Variants in PIBF1 observed in about 807,000 individuals in gnomAD.
PIBF1 encodes the protein progesterone-induced-blocking factor 1.
In PIBF1, 90 loss-of-function variants were observed where a neutral mutation model predicts 112.5. The ratio of observed to expected loss-of-function variants is 0.80; its 90% CI spans 0.67 to 0.95. The LOEUF is 0.95. PIBF1 is among the 40% of genes least tolerant of loss of function. The pLI is 0.00. For missense variants in PIBF1, 915 were observed against 852.3 expected (o/e 1.07, Z -0.92); for synonymous variants, 301 against 288.6 (o/e 1.04, Z -0.44).
intron 11 of PIBF1, among the ~76,000 whole-genome samples, chr13:72,904,738 G>T (rs1178084427): frequency 6.6e-6 from 1 of 151,526 alleles, no homozygotes; most frequent in East Asian, 1.9e-4. Flanking sequence ...ACCATGCCTG[G>T]CAAAATATTT....
At chr13:72,976,680 C>A (rs1399959681) in intron 16 of PIBF1, among the ~76,000 whole-genome samples, 1 of 152,114 alleles carries the variant, frequency 6.6e-6, no homozygotes, top group Non-Finnish European at 1.5e-5. Context: ...CATATATACA[C>A]ATGCAAAGGC....
chr13:72,938,396 G>GCT (rs376125630), intron 14 of PIBF1, among the ~76,000 whole-genome samples: 39 of 151,180 alleles, frequency 2.6e-4, no homozygotes, highest in Non-Finnish European at 4.0e-4. Context: ...GCAATAATGT[G>GCT]CTCTCTCTCT....
chr13:72,897,335 A>G (rs2040318591), intron 11 of PIBF1, among the ~76,000 whole-genome samples: 1 of 152,244 alleles, frequency 6.6e-6, no homozygotes, highest in Admixed American at 6.5e-5. Flanking sequence ...GGAAACATCA[A>G]AACAAAATTG....
chr13:72,827,363 C>T (rs1010824370), intron 7 of PIBF1, among the ~76,000 whole-genome samples: 8 of 150,818 alleles, frequency 5.3e-5, no homozygotes, highest in African/African-American at 1.5e-4. Context: ...ATTCTCCTGC[C>T]TCAGCCTCCT....
chr13:72,854,253 T>C (rs2038309738), intron 10 of PIBF1, 98 bp downstream of exon 10: 1 of 760,452 alleles, frequency 1.3e-6, no homozygotes, highest in Admixed American at 2.5e-5. Context: ...ATAATTTTCA[T>C]TTCAATTGAG....
intron 16 of PIBF1, among the ~76,000 whole-genome samples, chr13:72,985,679 G>A (rs916137100): frequency 2.6e-5 from 4 of 152,172 alleles, no homozygotes; most frequent in Admixed American, 6.5e-5. Context: ...CACTGATCCC[G>A]TATCAAGGAG....
At chr13:73,007,809 CA>C (rs34084112) in intron 17 of PIBF1, among the ~76,000 whole-genome samples, 47,877 of 135,604 alleles carry the variant, frequency 0.35, 8,068 homozygotes, top group Non-Finnish European at 0.4. Context: ...AACTCCATCT[CA>C]AAAAAAAAAA....
intron 5 of PIBF1, among the ~76,000 whole-genome samples, chr13:72,815,180 A>G (rs994386012): frequency 4.6e-5 from 7 of 152,234 alleles, no homozygotes; most frequent in African/African-American, 1.7e-4. Context: ...CAGATGTAAA[A>G]ATTTGAAATA....
intron 11 of PIBF1, among the ~76,000 whole-genome samples, chr13:72,905,861 A>G (rs900631751): frequency 3.9e-5 from 6 of 152,170 alleles, no homozygotes; most frequent in Admixed American, 2.0e-4. Context: ...TTGTGGTTCT[A>G]AAGATTCTGG....
chr13:72,893,871 T>TCAA lies in PIBF1; in HGVS notation c.1412_1414dup (p.Gln471dup). On this transcript the variant is annotated inframe_insertion, in exon 11 of 18. Coordinates refer to ENST00000326291, the MANE Select transcript of PIBF1 (RefSeq NM_006346.4). The stretch of plus-strand genomic sequence containing the variant: ...TAAAATCTTTTGAAAGTGAGCGTGT[T>TCAA]CAACTTCTGCAAGAGGAAACAGCAA... 6.2e-7 allele frequency: 1 copy of TCAA among 1,607,440 alleles called. No individual in the cohort carries two copies. The highest frequency in any genetic ancestry group is 1.3e-5 in the African/African-American group (1 of 74,642).
At chr13:72,796,823 C>T (rs1251200647) in intron 4 of PIBF1, among the ~76,000 whole-genome samples, 1 of 152,068 alleles carries the variant, frequency 6.6e-6, no homozygotes, top group African/African-American at 2.4e-5. Flanking sequence ...AATATTCCTT[C>T]TTACATCTTT....
rs376654507 is a variant in PIBF1, at chr13:72,973,577, G to GT, written c.1965-4dup. ...AACATAATGACTTTTTAAAACTGGGGTTTTTTTTTTCAGCAACTTAAATAA... is the reference window on the plus strand; with the variant it reads ...AACATAATGACTTTTTAAAACTGGGGTTTTTTTTTTTCAGCAACTTAAATAA... On this transcript the variant is annotated splice_polypyrimidine_tract_variant and intron_variant, in intron 15 of 17. Transcript: ENST00000326291. 0.038 allele frequency: 40,716 copies of GT among 1,069,754 alleles called. No individual in the cohort carries two copies. Among genetic ancestry groups the GT allele is most frequent in the South Asian group, 0.045 (2,527 of 56,510 alleles). 66.3% of individuals were successfully genotyped at this position (1,069,754 alleles called of 1,614,324 possible).
chr13:72,884,699 A>C (rs2039775241), intron 10 of PIBF1: 1 of 152,148 alleles, frequency 6.6e-6, no homozygotes. Context: ...GGAACTTTTA[A>C]ACTTTCTCAT....
intron 10 of PIBF1, among the ~76,000 whole-genome samples, chr13:72,856,290 A>C (rs1329120654): frequency 1.3e-5 from 2 of 152,168 alleles, no homozygotes; most frequent in Non-Finnish European, 2.9e-5. Context: ...TTTGTTCTTC[A>C]CAAGTTGATA....
At chr13:72,926,559 T>C (rs1019079148) in intron 13 of PIBF1, among the ~76,000 whole-genome samples, 2 of 152,194 alleles carry the variant, frequency 1.3e-5, no homozygotes, top group Non-Finnish European at 2.9e-5. Context: ...CTTTCTAAAG[T>C]GCGGGCCAGA....
At chr13:72,968,280 G>A (rs192193467) in intron 15 of PIBF1, among the ~76,000 whole-genome samples, 2 of 151,874 alleles carry the variant, frequency 1.3e-5, no homozygotes, top group Non-Finnish European at 2.9e-5. Context: ...TTTTGTTGTT[G>A]TTGTTGTTGT....
intron 9 of PIBF1, among the ~76,000 whole-genome samples, chr13:72,849,281 C>A (rs1281922850): frequency 6.6e-6 from 1 of 152,158 alleles, no homozygotes; most frequent in Non-Finnish European, 1.5e-5. Context: ...TATTTTAAAA[C>A]ACTTATCTTT....
chr13:72,835,754 G>A (rs529364549), intron 9 of PIBF1, among the ~76,000 whole-genome samples: 2 of 152,284 alleles, frequency 1.3e-5, no homozygotes, highest in Admixed American at 1.3e-4. Flanking sequence ...ATATACATAT[G>A]CCTCATTTAG....
chr13:72,866,485 A>C (rs570906728), intron 10 of PIBF1, among the ~76,000 whole-genome samples: 13 of 152,190 alleles, frequency 8.5e-5, no homozygotes, highest in African/African-American at 3.1e-4. Context: ...CTATCTTTCA[A>C]CCTACTAGCT....
Sources: gnomAD v4.1 joint callset for allele counts (sites outside exome capture counted in the v4.1 genomes callset) on GRCh38, gnomAD v4.1.1 for gene constraint, MANE v1.5 for transcripts, NCBI Gene and HGNC (gene_info 2026-07-23, HGNC 2026-07-21) for gene names.